ZDHHC15: variants seen among roughly 807,000 people sequenced by gnomAD.
ZDHHC15 encodes the protein palmitoyltransferase ZDHHC15.
ZDHHC15 carries 19 observed loss-of-function variants against 31.7 expected under a neutral mutation model. The observed-to-expected ratio is 0.60, with a 90% CI of 0.42 to 0.88. ZDHHC15 has a LOEUF of 0.88. Among genes scored for constraint, ZDHHC15 ranks in the 40% least tolerant of loss-of-function variants. ZDHHC15 has a pLI of 0.00. For missense variants in ZDHHC15, 209 were observed against 251.2 expected (o/e 0.83, Z 1.14); for synonymous variants, 103 against 90.0 (o/e 1.14, Z -0.82).
At chrX:75,394,767 A>G (rs1479983250) in intron 10 of ZDHHC15, among the ~76,000 whole-genome samples, 1 of 111,890 alleles carries the variant, frequency 8.9e-6, no homozygotes, top group East Asian at 2.8e-4. Context: ...CCAAAACAAT[A>G]ACAGCTGGAG....
intron 3 of ZDHHC15, among the ~76,000 whole-genome samples, chrX:75,476,710 C>T (rs994053847): frequency 9.7e-6 from 1 of 103,446 alleles, no homozygotes; most frequent in Non-Finnish European, 2.0e-5. Context: ...TCCTCCCTTC[C>T]CTCCCTTCTC....
intron 10 of ZDHHC15, among the ~76,000 whole-genome samples, chrX:75,409,572 G>A (rs184399082): frequency 3.0e-4 from 31 of 104,232 alleles, no homozygotes; most frequent in African/African-American, 7.7e-4. Flanking sequence ...TGAGGCGGGC[G>A]GATCATGAGA....
intron 3 of ZDHHC15, among the ~76,000 whole-genome samples, chrX:75,455,778 G>T (rs776837586): frequency 8.9e-6 from 1 of 112,287 alleles, no homozygotes; most frequent in South Asian, 3.7e-4. Context: ...ATCATCACTG[G>T]TCATCAGAGA....
rs41298496 is a variant in ZDHHC15 at position 75,371,230 on chromosome X, G to T, written c.*1748C>A. ...GCCAAATAAGGTTTCAGGAAAAACC[G>T]AAATGAGAGTATTTTGAGAAAGAGT... On this transcript the variant is annotated 3_prime_UTR_variant, in exon 12 of 12. Transcript: ENST00000373367. 9.0e-6 allele frequency: 1 copy of T among 111,710 alleles called. No homozygotes were observed. The highest frequency in any genetic ancestry group is 1.9e-5 in the Non-Finnish European group (1 of 53,148). The allele number at this position is 111,710 out of a possible 1,213,427, so 9.2% of individuals were successfully genotyped here. A position where few individuals can be genotyped will look rare whatever the true frequency, so the allele number is the denominator to read the frequency against.
At chrX:75,434,236 C>T (rs374800082) in intron 4 of ZDHHC15, among the ~76,000 whole-genome samples, 104 of 111,171 alleles carry the variant, frequency 9.4e-4, no homozygotes, top group African/African-American at 3.1e-3. Context: ...TCTGGATATT[C>T]GTCCCTTGTC....
intron 10 of ZDHHC15, among the ~76,000 whole-genome samples, chrX:75,407,298 C>T (rs1167430841): frequency 2.7e-5 from 3 of 110,526 alleles, no homozygotes; most frequent in Admixed American, 9.4e-5. Context: ...GCCCAGCAGC[C>T]GTCCCATCTG....
intron 9 of ZDHHC15, among the ~76,000 whole-genome samples, chrX:75,421,612 T>G (rs2083642350): frequency 1.0e-5 from 1 of 99,995 alleles, no homozygotes; most frequent in African/African-American, 3.7e-5. Flanking sequence ...CTTAAATTTT[T>G]TGATAGATAT....
chrX:75,405,544 A>C (rs757672767), intron 10 of ZDHHC15, among the ~76,000 whole-genome samples: 2 of 111,860 alleles, frequency 1.8e-5, no homozygotes, highest in African/African-American at 6.5e-5. Context: ...AATGAATTAC[A>C]AATAAAATAT....
At position 75,481,039 on chromosome X, in the gene ZDHHC15, A is replaced by G. The variant is rs185466583; in HGVS notation, c.164-2054T>C. Among the ~76,000 whole-genome samples the G allele has an allele frequency of 2.8e-3, 314 of 110,916 alleles. 1 individual carries two copies. The highest frequency in any genetic ancestry group is 0.022 in the East Asian group (78 of 3,509). Reference sequence around the variant, plus strand: ...AGTGTTTAGCTGGCTACCCCCTGGGAGTGTCTCTAGGCTAGCCTTTGTGAA... The same window carrying G: ...AGTGTTTAGCTGGCTACCCCCTGGGGGTGTCTCTAGGCTAGCCTTTGTGAA... On this transcript the variant is annotated intron_variant, in intron 2 of 11. Coordinates refer to ENST00000373367, the MANE Select transcript of ZDHHC15 (RefSeq NM_144969.3).
chrX:75,505,357 G>A (rs2148047046), intron 2 of ZDHHC15, among the ~76,000 whole-genome samples: 1 of 111,470 alleles, frequency 9.0e-6, no homozygotes, highest in African/African-American at 3.2e-5. Flanking sequence ...TAGAAAGGTA[G>A]TATATTTTGC....
chrX:75,465,059 T>C (rs778573739), intron 3 of ZDHHC15, among the ~76,000 whole-genome samples: 2 of 112,306 alleles, frequency 1.8e-5, no homozygotes, highest in African/African-American at 3.2e-5. Context: ...GAAAACCCTA[T>C]TGTCTCAGCT....
intron 1 of ZDHHC15, among the ~76,000 whole-genome samples, chrX:75,518,254 A>C (rs2085391103): frequency 8.9e-6 from 1 of 111,912 alleles, no homozygotes; most frequent in Non-Finnish European, 1.9e-5. Flanking sequence ...AACATGCAAA[A>C]AATATTAAAA....
At chrX:75,429,560 G>T (rs1017184500) in intron 6 of ZDHHC15, among the ~76,000 whole-genome samples, 1 of 111,536 alleles carries the variant, frequency 9.0e-6, no homozygotes, top group African/African-American at 3.3e-5. Flanking sequence ...TTTCAGACTG[G>T]CCCGCAGGGT....
At chrX:75,499,669 T>A (rs2085060941) in intron 2 of ZDHHC15, among the ~76,000 whole-genome samples, 1 of 112,144 alleles carries the variant, frequency 8.9e-6, no homozygotes. Context: ...ACTTTTACAC[T>A]GCTAATGGGA....
chrX:75,508,885 C>A (rs2085214198), intron 1 of ZDHHC15, among the ~76,000 whole-genome samples: 1 of 111,360 alleles, frequency 9.0e-6, no homozygotes, highest in Non-Finnish European at 1.9e-5. Flanking sequence ...ATTTGCATTT[C>A]TCTGATGGTC....
At chrX:75,498,107 A>AT (rs1221447896) in intron 2 of ZDHHC15, among the ~76,000 whole-genome samples, 5 of 109,697 alleles carry the variant, frequency 4.6e-5, no homozygotes, top group Non-Finnish European at 9.5e-5. Flanking sequence ...ATAATTTTGT[A>AT]TTTTTTGTAG....
intron 2 of ZDHHC15, among the ~76,000 whole-genome samples, chrX:75,493,675 C>T (rs1030450574): frequency 1.8e-4 from 20 of 112,046 alleles, no homozygotes; most frequent in African/African-American, 6.5e-4. Flanking sequence ...GAACCAACGA[C>T]AAAAACCATA....
At chrX:75,377,577 T>C (rs2083074098) in intron 11 of ZDHHC15, among the ~76,000 whole-genome samples, 1 of 110,775 alleles carries the variant, frequency 9.0e-6, no homozygotes, top group Non-Finnish European at 1.9e-5. Context: ...TTGGACAGAG[T>C]GCCCTGTAAA....
chrX:75,488,960 C>G (rs191994060), intron 2 of ZDHHC15, among the ~76,000 whole-genome samples: 43 of 111,959 alleles, frequency 3.8e-4, no homozygotes, highest in Non-Finnish European at 6.2e-4. Context: ...TATCCCACGC[C>G]TGGTTCGGAG....
Sources: gnomAD v4.1 joint callset for allele counts (sites outside exome capture counted in the v4.1 genomes callset) on GRCh38, gnomAD v4.1.1 for gene constraint, MANE v1.5 for transcripts, NCBI Gene and HGNC (gene_info 2026-07-23, HGNC 2026-07-21) for gene names.